The following SALL2 variants were observed in gnomAD, a reference collection of about 807,000 sequenced individuals.
SALL2 encodes sal-like protein 2.
A neutral mutation model predicts 58.5 loss-of-function variants in SALL2; 32 were observed. The ratio of observed to expected loss-of-function variants is 0.55; its 90% confidence interval spans 0.41 to 0.74. The LOEUF (loss-of-function observed/expected upper bound fraction) is 0.74, where lower values mean the gene tolerates loss of function less well. SALL2 is among the 30% of genes least tolerant of loss of function. The pLI, the probability that SALL2 is intolerant of heterozygous loss-of-function variation, is 0.00. For missense variants in SALL2, 1,201 were observed against 1,268.9 expected, an observed-to-expected ratio of 0.95 and a Z score of 0.81; for synonymous variants, 516 against 513.6, an observed-to-expected ratio of 1.00 and a Z score of -0.06.
rs372669631 is a variant in SALL2, at chr14:21,525,128, A to G, written c.594T>C (p.Thr198=). Residue 198 remains threonine, a synonymous_variant, in exon 2 of 2, where the codon ACT becomes ACC. Coordinates refer to ENST00000537235, the MANE Select transcript of SALL2 (RefSeq NM_001364564.1). This position sits in a 1 kb window ranked among gnomAD's most constrained non-coding sequence, Gnocchi z 4.4. Reference sequence around the variant, plus strand: ...ACAGCACCTGCCTGCAGATTTGCTCAGTCATCTGCATCTGATGGATCTGCC... The same window carrying G: ...ACAGCACCTGCCTGCAGATTTGCTCGGTCATCTGCATCTGATGGATCTGCC... ...QQRQIHQMQM[T]EQICRQVLLL... 1.2e-6 allele frequency: 2 copies of G among 1,614,032 alleles called. No homozygotes were observed. Among genetic ancestry groups the G allele is most frequent in the Non-Finnish European group, 1.7e-6 (2 of 1,179,952 alleles).
rs1484234476 is a variant in SALL2 at position 21,522,978 on chromosome 14, C to T, written c.2744G>A (p.Gly915Asp). 4 of 1,614,124 alleles carry T rather than the reference C, an allele frequency of 2.5e-6. No homozygotes were observed. Among genetic ancestry groups the T allele is most frequent in the Non-Finnish European group, 3.4e-6 (4 of 1,180,026 alleles). Residue 915 changes from glycine (G) to aspartate (D), a missense_variant, in exon 2 of 2, where the codon GGC becomes GAC. Coordinates refer to ENST00000537235, the MANE Select transcript of SALL2 (RefSeq NM_001364564.1). ...SSSRKACEVC[G>D]QAFPSQAALE... The stretch of plus-strand genomic sequence containing the variant: ...AGCTGCCTGGGAGGGAAAGGCCTGG[C>T]CACACACTTCGCAGGCCTTTCTGCT...
chr14:21,526,451 G>A (rs547058678), upstream of SALL2: 8 of 1,322,722 alleles, frequency 6.0e-6, no homozygotes, highest in Admixed American at 3.6e-5. Context: ...GCGTGGGGGC[G>A]GGAGCTCAGA....
rs770824904 is a variant in SALL2, at chr14:21,524,936, AGAGGAAGAGGAG to A, written c.774_785del (p.Ser260_Ser263del). 1 of 1,614,098 alleles carries A rather than the reference AGAGGAAGAGGAG, an allele frequency of 6.2e-7. No homozygotes were observed. The highest frequency in any genetic ancestry group is 1.1e-5 in the South Asian group (1 of 91,086). ...CCTGCTTGGGCGTTTCTGCCCCTGA[AGAGGAAGAGGAG>A]GAGGAGGAGGAAGATGCCAGTGTCT... is the stretch of plus-strand genomic sequence containing the variant. On this transcript the variant is annotated inframe_deletion, in exon 2 of 2. Transcript: ENST00000537235.
upstream of SALL2, among the ~76,000 whole-genome samples, chr14:21,527,367 C>T (rs1458487330): frequency 6.6e-6 from 1 of 152,216 alleles, no homozygotes; most frequent in Non-Finnish European, 1.5e-5. Context: ...GAATAAAATG[C>T]CTCCTGGACC....
intron 1 of SALL2, among the ~76,000 whole-genome samples, chr14:21,534,198 A>T (rs1020594868): frequency 1.3e-5 from 2 of 152,206 alleles, no homozygotes; most frequent in Non-Finnish European, 2.9e-5. Context: ...ATCCAGGAGG[A>T]ATTTTAGATA....
rs774822485 is a variant in SALL2 at position 21,523,337 on chromosome 14, T to C, written c.2385A>G (p.Ser795=). The C allele has an allele frequency of 9.3e-6, 15 of 1,613,570 alleles. No individual in the cohort carries two copies. In the Admixed American group the frequency reaches 2.2e-4, roughly 23 times the overall value. ...ATGCCTCTTCTGAATCACCTCTCAC[T>C]GATATTGCCTTCTCACCTCCACTCT... is the stretch of plus-strand genomic sequence containing the variant. The part of the protein sequence containing the change: ...GSESGGEKAI[S]VRGDSEEASG... The change falls in exon 2 of 2, where the codon TCA becomes TCG. Residue 795 remains serine (S), a synonymous_variant. Transcript: ENST00000537235. The surrounding 1 kb of genome is among the most constrained non-coding windows in gnomAD (Gnocchi z 4.4).
intron 1 of SALL2, among the ~76,000 whole-genome samples, chr14:21,532,328 A>T (rs75125343): frequency 0.033 from 5,014 of 152,250 alleles, 279 homozygotes; most frequent in African/African-American, 0.11. Flanking sequence ...GAGAATGGGG[A>T]TTTATTGTTT....
In SALL2 at chr14:21,525,430, G is replaced by C. The variant is rs113576019; in HGVS notation, c.292C>G (p.Pro98Ala). 194 of 1,613,982 alleles carry C rather than the reference G, an allele frequency of 1.2e-4. No individual in the cohort carries two copies. The African/African-American group carries it at 2.2e-3, about 18-fold the overall frequency. ...QVMDTEHSNP[P>A]DSGSSVPTDP... is the part of the protein sequence containing the mutation. ...GTGGGCACGGAGGACCCAGAATCTGGGGGGTTGCTATGCTCTGTGTCCATG... is the reference window on the plus strand; with the variant it reads ...GTGGGCACGGAGGACCCAGAATCTGCGGGGTTGCTATGCTCTGTGTCCATG... The change falls in exon 2 of 2, where the codon CCA becomes GCA. Residue 98 changes from proline (P) to alanine (A), a missense_variant. Pro to Ala is a conservative substitution (Grantham distance 27, BLOSUM62 -1). Transcript: ENST00000537235. This position sits in a 1 kb window ranked among gnomAD's most constrained non-coding sequence, Gnocchi z 4.4.
rs1329207042 is a variant in SALL2 at position 21,525,415 on chromosome 14, A to T, written c.307T>A (p.Ser103Thr). Residue 103 changes from serine (S) to threonine (T), a missense_variant, in exon 2 of 2, where the codon TCC (serine) becomes ACC (threonine). Around this residue, in one of 3 missense-constraint regions of SALL2, gnomAD observed 467 missense variants for 468.9 expected, o/e 1.00. Coordinates refer to ENST00000537235, the MANE Select transcript of SALL2 (RefSeq NM_001364564.1). The surrounding 1 kb of genome is among the most constrained non-coding windows in gnomAD (Gnocchi z 4.4). ...CCCCAGGTGGGATCCGTGGGCACGG[A>T]GGACCCAGAATCTGGGGGGTTGCTA... ...EHSNPPDSGS[S>T]VPTDPTWGPE... is the part of the protein sequence containing the mutation. 3.1e-6 allele frequency: 5 copies of T among 1,614,000 alleles called. No individual in the cohort carries two copies. Among genetic ancestry groups the T allele is most frequent in the Non-Finnish European group, 3.4e-6 (4 of 1,179,962 alleles).
rs1892286761 is a variant in SALL2 at position 21,525,982 on chromosome 14, C to T, written c.67+79G>A. ...ACGCAGAGAATCATGCATTTTCTCC[C>T]ACCCACCGAAAGTCTTCGCCGCCCC... On this transcript the variant is annotated intron_variant, in intron 1 of 1. Transcript: ENST00000537235. This position sits in a 1 kb window ranked among gnomAD's most constrained non-coding sequence, Gnocchi z 4.4. 7.7e-7 allele frequency: 1 copy of T among 1,293,040 alleles called. No individual in the cohort carries two copies. The highest frequency in any genetic ancestry group is 1.1e-6 in the Non-Finnish European group (1 of 926,308). The allele number at this position is 1,293,040 out of a possible 1,614,324, so 80.1% of individuals were successfully genotyped here. A position where few individuals can be genotyped will look rare whatever the true frequency, so the allele number is the denominator to read the frequency against.
chr14:21,526,508 T>C, upstream of SALL2: 1 of 1,180,734 alleles, frequency 8.5e-7, no homozygotes, highest in Non-Finnish European at 1.1e-6. Flanking sequence ...TGTGAAGCAC[T>C]GCGGGGGTCC....
At chr14:21,536,894 G>A (rs1355786949) in intron 1 of SALL2, 1 of 1,614,140 alleles carries the variant, frequency 6.2e-7, no homozygotes, top group Non-Finnish European at 8.5e-7. Context: ...ATTAACTGTT[G>A]GGGTTTCCGC....
Position 21,526,163 on chromosome 14 carries a change from A to G in SALL2, c.-36T>C. 6.5e-7 allele frequency: 1 copy of G among 1,537,134 alleles called. No individual in the cohort carries two copies. The highest frequency in any genetic ancestry group is 8.7e-7 in the Non-Finnish European group (1 of 1,147,916). The stretch of plus-strand genomic sequence containing the variant: ...GAAGTGGAGGGCCAGGTGGGGTGGG[A>G]GACAATGGATATTGGGATTGAGGGA... On this transcript the variant is annotated 5_prime_UTR_variant, in exon 1 of 2. Transcript: ENST00000537235.
intron 1 of SALL2, among the ~76,000 whole-genome samples, chr14:21,533,341 TA>T (rs1892513008): frequency 6.6e-6 from 1 of 152,186 alleles, no homozygotes; most frequent in Non-Finnish European, 1.5e-5. Context: ...CTTCCAAATG[TA>T]AACAGAGCCC....
chr14:21,535,142 C>A (rs569021849), intron 1 of SALL2, among the ~76,000 whole-genome samples: 5 of 151,880 alleles, frequency 3.3e-5, no homozygotes, highest in Admixed American at 6.6e-5. Flanking sequence ...TCAGGAGATC[C>A]AGAGCATCCT....
intron 1 of SALL2, chr14:21,536,879 C>G: frequency 6.2e-7 from 1 of 1,614,136 alleles, no homozygotes; most frequent in Non-Finnish European, 8.5e-7. Context: ...CCTTCGCAGT[C>G]CGAGATTAAC....
chr14:21,533,620 A>G (rs1594471581), intron 1 of SALL2, among the ~76,000 whole-genome samples: 1 of 149,546 alleles, frequency 6.7e-6, no homozygotes. Flanking sequence ...TCCTCTCTAG[A>G]GTTTTTAAGT....
Position 21,523,628 on chromosome 14 carries a change from G to C in SALL2, c.2094C>G (p.Phe698Leu). Residue 698 changes from phenylalanine to leucine, a missense_variant, in exon 2 of 2, where the codon TTC becomes TTG. Physicochemically the swap from Phe to Leu is conservative, Grantham distance 22 (BLOSUM62 0). Transcript: ENST00000537235. The surrounding 1 kb of genome is among the most constrained non-coding windows in gnomAD (Gnocchi z 4.4). ...QNSCPICQKK[F>L]TNAVTLQQHV... ...GCTGCTGCAGAGTGACAGCATTGGT[G>C]AACTTCTTCTGGCAGATGGGGCAGG... 1 of 1,614,270 alleles carries C rather than the reference G, an allele frequency of 6.2e-7. No homozygotes were observed. The highest frequency in any genetic ancestry group is 8.5e-7 in the Non-Finnish European group (1 of 1,180,052).
intron 1 of SALL2, among the ~76,000 whole-genome samples, chr14:21,536,140 T>G (rs1334554607): frequency 6.6e-6 from 1 of 152,248 alleles, no homozygotes; most frequent in Non-Finnish European, 1.5e-5. Context: ...GGGACACCTG[T>G]TGCTTCAAAA....
Sources: allele counts gnomAD v4.1 joint callset (sites outside exome capture counted in the v4.1 genomes callset), GRCh38; gene constraint gnomAD v4.1.1; regional missense constraint gnomAD v4.1.1; non-coding constraint Gnocchi (gnomAD v3.1); transcripts MANE v1.5; gene names NCBI Gene and HGNC (gene_info 2026-07-23, HGNC 2026-07-21).